Variants in ZCCHC7 observed in about 807,000 individuals in gnomAD.
The protein encoded by ZCCHC7 is zinc finger CCHC domain-containing protein 7.
Under a neutral mutation model 52.0 loss-of-function variants are expected in ZCCHC7, and 35 were observed. That is an observed-to-expected ratio of 0.67 (90% CI 0.51 to 0.89). The LOEUF is 0.89. Among genes scored for constraint, ZCCHC7 ranks in the 40% least tolerant of loss-of-function variants. The pLI is 0.00. For missense variants in ZCCHC7, 574 were observed against 649.1 expected (o/e 0.88, Z 1.26); for synonymous variants, 217 against 221.5 (o/e 0.98, Z 0.18).
chr9:37,163,073 C>G (rs907479497), intron 2 of ZCCHC7, among the ~76,000 whole-genome samples: 1 of 151,948 alleles, frequency 6.6e-6, no homozygotes, highest in Non-Finnish European at 1.5e-5. Context: ...TGGTAGTGTG[C>G]GCCTGTAGTC....
At chr9:37,174,528 G>A (rs560447441) in intron 2 of ZCCHC7, among the ~76,000 whole-genome samples, 1 of 152,270 alleles carries the variant, frequency 6.6e-6, no homozygotes, top group South Asian at 2.1e-4. Context: ...TAGAAAAGCA[G>A]AATCTAAAAC....
intron 2 of ZCCHC7, among the ~76,000 whole-genome samples, chr9:37,190,220 G>A (rs1822946212): frequency 6.6e-6 from 1 of 152,196 alleles, no homozygotes; most frequent in African/African-American, 2.4e-5. Flanking sequence ...CCCCACTGCT[G>A]CTGCTGTCAC....
intron 2 of ZCCHC7, among the ~76,000 whole-genome samples, chr9:37,238,287 G>T (rs959823663): frequency 7.9e-5 from 12 of 152,170 alleles, no homozygotes; most frequent in African/African-American, 2.9e-4. Context: ...CATGCAAAGA[G>T]AAATGAAGTA....
intron 2 of ZCCHC7, among the ~76,000 whole-genome samples, chr9:37,223,074 G>A (rs1296312430): frequency 6.6e-6 from 1 of 152,042 alleles, no homozygotes; most frequent in Non-Finnish European, 1.5e-5. Context: ...AGGCAATTGG[G>A]CCATAGTTAC....
intron 2 of ZCCHC7, among the ~76,000 whole-genome samples, chr9:37,216,402 C>T (rs551813049): frequency 4.6e-5 from 7 of 152,254 alleles, no homozygotes; most frequent in African/African-American, 1.2e-4. Flanking sequence ...TGGCCATACG[C>T]GGTGGCTCAC....
intron 2 of ZCCHC7, among the ~76,000 whole-genome samples, chr9:37,161,713 A>G (rs1192827546): frequency 1.3e-5 from 2 of 152,246 alleles, no homozygotes; most frequent in East Asian, 1.9e-4. Flanking sequence ...TGGTCTTTAC[A>G]TGGCAGCTAT....
At chr9:37,274,025 T>C (rs1468464346) in intron 2 of ZCCHC7, among the ~76,000 whole-genome samples, 3 of 152,204 alleles carry the variant, frequency 2.0e-5, no homozygotes, top group Non-Finnish European at 4.4e-5. Flanking sequence ...ATAAAAATGG[T>C]ACTCTTAACC....
intron 2 of ZCCHC7, among the ~76,000 whole-genome samples, chr9:37,254,673 A>C (rs1826488166): frequency 6.6e-6 from 1 of 152,032 alleles, no homozygotes; most frequent in African/African-American, 2.4e-5. Flanking sequence ...AAATTAGAGT[A>C]AGTATGTGAA....
chr9:37,270,955 G>A (rs1183635522), intron 2 of ZCCHC7, among the ~76,000 whole-genome samples: 3 of 151,924 alleles, frequency 2.0e-5, no homozygotes, highest in Admixed American at 6.6e-5. Context: ...TCTACCTCAG[G>A]GTACCTAAAA....
chr9:37,342,887 T>C (rs191652399), intron 6 of ZCCHC7, among the ~76,000 whole-genome samples: 218 of 152,348 alleles, frequency 1.4e-3, no homozygotes, highest in Non-Finnish European at 2.6e-3. Flanking sequence ...CCAAAATGCA[T>C]TGGATAAATA....
intron 2 of ZCCHC7, among the ~76,000 whole-genome samples, chr9:37,204,310 A>G (rs1380374215): frequency 1.3e-5 from 2 of 152,186 alleles, no homozygotes; most frequent in Non-Finnish European, 2.9e-5. Context: ...CTTTACTTTA[A>G]TTAGATCCCA....
At chr9:37,130,529 G>A (rs1176691250) in intron 2 of ZCCHC7, among the ~76,000 whole-genome samples, 1 of 141,076 alleles carries the variant, frequency 7.1e-6, no homozygotes. Flanking sequence ...GTCTCGCTCT[G>A]TCGCCCAGGC....
intron 2 of ZCCHC7, among the ~76,000 whole-genome samples, chr9:37,130,257 A>C (rs925033477): frequency 6.7e-6 from 1 of 148,302 alleles, no homozygotes; most frequent in African/African-American, 2.5e-5. Context: ...AAAAAAGATA[A>C]GTTTTAGCCT....
At chr9:37,343,610 A>G (rs1820772331) in intron 6 of ZCCHC7, among the ~76,000 whole-genome samples, 1 of 152,232 alleles carries the variant, frequency 6.6e-6, no homozygotes, top group Non-Finnish European at 1.5e-5. Flanking sequence ...ATTCGGAAAA[A>G]TTCCATGAAA....
At chr9:37,122,211 CTG>C (rs1442554051) in intron 1 of ZCCHC7, among the ~76,000 whole-genome samples, 1 of 152,206 alleles carries the variant, frequency 6.6e-6, no homozygotes, top group Non-Finnish European at 1.5e-5. Context: ...TGATTAAAGA[CTG>C]TGTTAAGTAA....
At chr9:37,183,421 C>G (rs1023173591) in intron 2 of ZCCHC7, among the ~76,000 whole-genome samples, 3 of 152,258 alleles carry the variant, frequency 2.0e-5, no homozygotes, top group African/African-American at 7.2e-5. Context: ...TGTTTTCAGC[C>G]TGGTGCAGAA....
chr9:37,168,120 A>C (rs187351660), intron 2 of ZCCHC7, among the ~76,000 whole-genome samples: 39 of 152,228 alleles, frequency 2.6e-4, no homozygotes, highest in African/African-American at 9.4e-4. Flanking sequence ...TCAAGAGTCT[A>C]CCTGGGTTCT....
intron 2 of ZCCHC7, among the ~76,000 whole-genome samples, chr9:37,241,300 C>T (rs1417570455): frequency 2.6e-5 from 4 of 151,684 alleles, no homozygotes; most frequent in Non-Finnish European, 5.9e-5. Flanking sequence ...AAATGAAAAG[C>T]TATTTCTGAC....
intron 6 of ZCCHC7, among the ~76,000 whole-genome samples, chr9:37,336,325 A>T (rs565764008): frequency 6.6e-6 from 1 of 152,250 alleles, no homozygotes; most frequent in East Asian, 1.9e-4. Context: ...GAGCATTCCT[A>T]TTTCATGTTT....
Sources: gnomAD v4.1 joint callset for allele counts (sites outside exome capture counted in the v4.1 genomes callset) on GRCh38, gnomAD v4.1.1 for gene constraint, MANE v1.5 for transcripts, NCBI Gene and HGNC (gene_info 2026-07-23, HGNC 2026-07-21) for gene names.